ZFP2: variants seen among roughly 807,000 people sequenced by gnomAD.
ZFP2 encodes zinc finger protein ZFP2.
In ZFP2, 33 loss-of-function variants were observed where a neutral mutation model predicts 36.1. That is an observed-to-expected ratio of 0.92 (90% CI 0.69 to 1.22). The LOEUF (loss-of-function observed/expected upper bound fraction) is 1.22, where lower values mean the gene tolerates loss of function less well. ZFP2 is among the 50% of genes most tolerant of loss of function. ZFP2 has a pLI of 0.00. For missense variants in ZFP2, 522 were observed against 551.4 expected, an observed-to-expected ratio of 0.95 and a Z score of 0.53; for synonymous variants, 170 against 178.0, an observed-to-expected ratio of 0.96 and a Z score of 0.36.
At chr5:178,906,109 C>T (rs907764167) in intron 1 of ZFP2, among the ~76,000 whole-genome samples, 2 of 152,164 alleles carry the variant, frequency 1.3e-5, no homozygotes, top group African/African-American at 4.8e-5. Flanking sequence ...CTTTACCAGC[C>T]CACAGCTGGC....
chr5:178,930,314 C>CTTTTTTTTTTTTTTTTTTTTTTTTTTT (rs990713790), intron 4 of ZFP2, among the ~76,000 whole-genome samples: 7 of 71,324 alleles, frequency 9.8e-5, no homozygotes, highest in Non-Finnish European at 1.7e-4. Context: ...TTTCCCTTTC[C>CTTTTTTTTTTTTTTTTTTTTTTTTTTT]TTTTTTTTTT....
At chr5:178,910,717 T>C (rs953301437) in intron 1 of ZFP2, 1 of 266,892 alleles carries the variant, frequency 3.7e-6, no homozygotes, top group Admixed American at 4.0e-5. Context: ...CAACAGCTGC[T>C]CCAGAGGTTC....
intron 1 of ZFP2, among the ~76,000 whole-genome samples, chr5:178,902,187 T>C (rs760509416): frequency 3.3e-5 from 5 of 152,298 alleles, no homozygotes; most frequent in Middle Eastern, 3.4e-3. Context: ...ATTAACATTT[T>C]GCCATTTTTC....
intron 3 of ZFP2, among the ~76,000 whole-genome samples, chr5:178,915,375 G>A (rs1758401402): frequency 3.1e-5 from 4 of 130,934 alleles, no homozygotes; most frequent in Admixed American, 2.7e-4. Context: ...GTGCAGTGGT[G>A]CAGTCTTGGC....
intron 1 of ZFP2, among the ~76,000 whole-genome samples, chr5:178,898,633 G>A (rs1411068389): frequency 6.6e-6 from 1 of 152,244 alleles, no homozygotes; most frequent in Non-Finnish European, 1.5e-5. Context: ...CAGGAAGGAA[G>A]GAGAAGGCAA....
chr5:178,930,314 C>CTTTTTTTTTTTTTTTTTTTT (rs990713790), intron 4 of ZFP2, among the ~76,000 whole-genome samples: 9 of 71,324 alleles, frequency 1.3e-4, no homozygotes, highest in African/African-American at 2.4e-4. Flanking sequence ...TTTCCCTTTC[C>CTTTTTTTTTTTTTTTTTTTT]TTTTTTTTTT....
At chr5:178,926,090 T>C (rs1758662250) in intron 4 of ZFP2, among the ~76,000 whole-genome samples, 1 of 149,454 alleles carries the variant, frequency 6.7e-6, no homozygotes, top group African/African-American at 2.4e-5. Flanking sequence ...CAAGAAATCC[T>C]CCCACATCAA....
chr5:178,928,141 C>T (rs1204866180), intron 4 of ZFP2, among the ~76,000 whole-genome samples: 1 of 151,934 alleles, frequency 6.6e-6, no homozygotes, highest in Non-Finnish European at 1.5e-5. Flanking sequence ...AGTCACCTCC[C>T]ATAAGGCCCA....
intron 4 of ZFP2, among the ~76,000 whole-genome samples, chr5:178,927,662 A>AGT (rs1561684956): frequency 4.6e-4 from 46 of 100,848 alleles, no homozygotes; most frequent in African/African-American, 1.3e-3. Context: ...ATACCTGGCC[A>AGT]ATGTGTGTGT....
rs1430335266 is a variant in ZFP2 at position 178,932,737 on chromosome 5, T to C, written c.*38T>C. On this transcript the variant is annotated 3_prime_UTR_variant, in exon 5 of 5. Coordinates refer to ENST00000361362, the MANE Select transcript of ZFP2 (RefSeq NM_030613.4). ...CTGGCCCTTACCTCATGATTAACTC[T>C]TCAGTAATAATCATATGAGACATAC... is the stretch of plus-strand genomic sequence containing the variant. 1.3e-6 allele frequency: 2 copies of C among 1,534,376 alleles called. No homozygotes were observed. Among genetic ancestry groups the C allele is most frequent in the East Asian group, 4.5e-5 (2 of 44,252 alleles).
At chr5:178,924,716 G>A (rs1758630697) in intron 4 of ZFP2, among the ~76,000 whole-genome samples, 2 of 147,814 alleles carry the variant, frequency 1.4e-5, no homozygotes, top group Non-Finnish European at 1.5e-5. Context: ...GTACATGCCT[G>A]TAGTCCCTGT....
intron 1 of ZFP2, chr5:178,909,625 A>G: frequency 4.5e-6 from 6 of 1,324,896 alleles, no homozygotes; most frequent in Non-Finnish European, 5.9e-6. Context: ...CCTGATCTTC[A>G]GTAATTTCCC....
At chr5:178,925,107 T>TCA (rs1554107132) in intron 4 of ZFP2, among the ~76,000 whole-genome samples, 1 of 110,162 alleles carries the variant, frequency 9.1e-6, no homozygotes, top group African/African-American at 2.9e-5. Context: ...AATTGAATCT[T>TCA]TATATATATA....
chr5:178,915,683 A>T (rs1162220392), intron 3 of ZFP2: 3 of 151,034 alleles, frequency 2.0e-5, no homozygotes, highest in Non-Finnish European at 4.4e-5. Flanking sequence ...GTCTGTCTTT[A>T]GCCGGGCATG....
At chr5:178,925,690 T>G (rs1215601882) in intron 4 of ZFP2, among the ~76,000 whole-genome samples, 1 of 149,012 alleles carries the variant, frequency 6.7e-6, no homozygotes, top group Non-Finnish European at 1.5e-5. Flanking sequence ...CCATTCAGGC[T>G]TCCTTTCCTT....
chr5:178,908,250 A>C (rs574092845), intron 1 of ZFP2, among the ~76,000 whole-genome samples: 44 of 152,132 alleles, frequency 2.9e-4, no homozygotes, highest in Middle Eastern at 6.8e-3. Context: ...AGATCGAGAC[A>C]ATCCTGGCTA....
chr5:178,925,938 C>T (rs899643893), intron 4 of ZFP2, among the ~76,000 whole-genome samples: 1 of 149,004 alleles, frequency 6.7e-6, no homozygotes, highest in African/African-American at 2.4e-5. Flanking sequence ...GACTTGAACT[C>T]CCGGGCTCAG....
At chr5:178,912,202 T>A (rs930369881) in intron 1 of ZFP2, among the ~76,000 whole-genome samples, 1 of 152,190 alleles carries the variant, frequency 6.6e-6, no homozygotes, top group African/African-American at 2.4e-5. Context: ...ATGTGGCTGA[T>A]AAATTGCTAT....
At chr5:178,915,318 CTTTCTTTT>C (rs1372340481) in intron 3 of ZFP2, among the ~76,000 whole-genome samples, 2 of 112,554 alleles carry the variant, frequency 1.8e-5, no homozygotes, top group African/African-American at 3.2e-5. Context: ...AAAGGTTTTT[CTTTCTTTT>C]TTTTTTTTTT....
Sources: gnomAD v4.1 joint callset for allele counts (sites outside exome capture counted in the v4.1 genomes callset) on GRCh38, gnomAD v4.1.1 for gene constraint, MANE v1.5 for transcripts, NCBI Gene and HGNC (gene_info 2026-07-23, HGNC 2026-07-21) for gene names.